The following ASCC3 variants were observed in gnomAD, a reference collection of about 807,000 sequenced individuals.
ASCC3 encodes the protein activating signal cointegrator 1 complex subunit 3, also known as ASC-1 complex subunit P200.
Under a neutral mutation model 256.3 loss-of-function variants are expected in ASCC3, and 158 were observed. The ratio of observed to expected loss-of-function variants is 0.62; its 90% CI spans 0.54 to 0.70. The LOEUF (loss-of-function observed/expected upper bound fraction) is 0.70. Ranked by LOEUF, ASCC3 falls within the 30% of genes least tolerant of loss-of-function variation. ASCC3 has a pLI of 0.00. For synonymous variants in ASCC3, 948 were observed against 883.4 expected (o/e 1.07, Z -1.30); for missense variants, 2,259 against 2,626.0 (o/e 0.86, Z 3.05).
At position 100,655,773 on chromosome 6, in the gene ASCC3, T is replaced by C. The variant is rs1255347762; in HGVS notation, c.2749A>G (p.Ile917Val). Residue 917 changes from isoleucine (I) to valine (V), a missense_variant, in exon 17 of 42, where the codon ATA becomes GTA. By Grantham distance (29) the Ile-to-Val change is conservative. Transcript: ENST00000369162. ...CGTACATAAAGATAAGTGTAACTTA[T>C]CCACTTCACTGCTTCTTCCACATTA... ...VTNVEEAVKW[I>V]SYTYLYVRMR... 6.2e-7 allele frequency: 1 copy of C among 1,611,876 alleles called. No individual in the cohort carries two copies. Among genetic ancestry groups the C allele is most frequent in the Non-Finnish European group, 8.5e-7 (1 of 1,178,970 alleles).
intron 33 of ASCC3, among the ~76,000 whole-genome samples, 156 bp downstream of exon 33, chr6:100,605,412 T>C (rs1772832180): frequency 2.0e-5 from 3 of 152,156 alleles, no homozygotes; most frequent in Admixed American, 6.6e-5. Flanking sequence ...AAATTATAAT[T>C]GAATATTGTC....
intron 10 of ASCC3, among the ~76,000 whole-genome samples, chr6:100,742,416 G>A (rs534631028): frequency 1.3e-5 from 2 of 152,234 alleles, no homozygotes; most frequent in Admixed American, 6.5e-5. Context: ...TGCATTAGGG[G>A]GTACGCTTCC....
At chr6:100,590,150 TC>T (rs1771928889) in intron 34 of ASCC3, 91 bp from the exon 35 acceptor site, 1 of 864,924 alleles carries the variant, frequency 1.2e-6, no homozygotes, top group East Asian at 2.6e-5. Flanking sequence ...ATAAATATAA[TC>T]CCCTTTTATT....
chr6:100,732,180 A>AG (rs937606867), intron 10 of ASCC3, among the ~76,000 whole-genome samples: 9 of 151,370 alleles, frequency 5.9e-5, no homozygotes, highest in South Asian at 4.2e-4. Flanking sequence ...AAAAAAAAAA[A>AG]AAGAAGAAGA....
intron 1 of ASCC3, among the ~76,000 whole-genome samples, chr6:100,879,595 C>G (rs922702745): frequency 6.6e-6 from 1 of 152,108 alleles, no homozygotes; most frequent in Admixed American, 6.5e-5. Context: ...CAGAGATACA[C>G]AGGAGATCAA....
chr6:100,834,569 T>C (rs769946560), intron 4 of ASCC3, among the ~76,000 whole-genome samples: 3 of 152,144 alleles, frequency 2.0e-5, no homozygotes, highest in African/African-American at 4.8e-5. Context: ...GCTGCTTTTC[T>C]GAAAACAAGG....
At chr6:100,619,325 G>A (rs1773828923) in intron 30 of ASCC3, among the ~76,000 whole-genome samples, 1 of 152,112 alleles carries the variant, frequency 6.6e-6, no homozygotes, top group Non-Finnish European at 1.5e-5. Context: ...TCAGGTTCTT[G>A]GATGAACAAA....
chr6:100,508,350 C>T lies in ASCC3; in HGVS notation c.*1036G>A, dbSNP rs1773598922. ...AGGGCTAAGAAAACTGAAATTATTT[C>T]ACAAAGGTAGAATTTCATTCCACTA... On this transcript the variant is annotated 3_prime_UTR_variant, in exon 42 of 42. Transcript: ENST00000369162. The T allele has an allele frequency of 6.6e-6, 1 of 152,084 alleles. No homozygotes were observed. Among genetic ancestry groups the T allele is most frequent in the South Asian group, 2.1e-4 (1 of 4,812 alleles). The allele number at this position is 152,084 out of a possible 1,614,324, so 9.4% of individuals were successfully genotyped here.
At chr6:100,574,370 GAGAC>G (rs1473985287) in intron 36 of ASCC3, among the ~76,000 whole-genome samples, 3 of 152,096 alleles carry the variant, frequency 2.0e-5, no homozygotes, top group Admixed American at 1.3e-4. Flanking sequence ...AATGGGAAAA[GAGAC>G]AGGACATTCA....
chr6:100,757,333 T>C (rs894305677), intron 10 of ASCC3, among the ~76,000 whole-genome samples: 2 of 151,910 alleles, frequency 1.3e-5, no homozygotes, highest in African/African-American at 4.8e-5. Context: ...ATTGAGAATA[T>C]GGCAAAGATA....
chr6:100,820,638 G>A (rs1466433422), intron 4 of ASCC3, among the ~76,000 whole-genome samples: 1 of 151,782 alleles, frequency 6.6e-6, no homozygotes, highest in South Asian at 2.1e-4. Context: ...AGATAATTTA[G>A]ATTTCATCAA....
chr6:100,531,109 T>C (rs2114642758), intron 37 of ASCC3: 4 of 1,108,532 alleles, frequency 3.6e-6, no homozygotes, highest in Non-Finnish European at 5.5e-6. Context: ...AACAGAAAAT[T>C]GCACAATTTC....
intron 36 of ASCC3, among the ~76,000 whole-genome samples, chr6:100,554,944 AC>A (rs1000600908): frequency 2.6e-5 from 4 of 151,902 alleles, no homozygotes; most frequent in African/African-American, 9.7e-5. Context: ...ATTGTTTTTA[AC>A]ACTTATGATT....
At chr6:100,573,281 A>T (rs1770691113) in intron 36 of ASCC3, among the ~76,000 whole-genome samples, 1 of 152,130 alleles carries the variant, frequency 6.6e-6, no homozygotes, top group Non-Finnish European at 1.5e-5. Context: ...TATTATTTGT[A>T]CTGAGGAGAC....
chr6:100,541,542 C>T (rs984983540), intron 36 of ASCC3, among the ~76,000 whole-genome samples: 6 of 152,166 alleles, frequency 3.9e-5, no homozygotes, highest in Admixed American at 2.0e-4. Context: ...ATTAGCTCTA[C>T]GACAAATATT....
chr6:100,540,607 T>C (rs1009100315), intron 36 of ASCC3, among the ~76,000 whole-genome samples: 1 of 152,180 alleles, frequency 6.6e-6, no homozygotes, highest in African/African-American at 2.4e-5. Context: ...TTTGTATTTA[T>C]AGTCAACAAA....
intron 25 of ASCC3, among the ~76,000 whole-genome samples, chr6:100,636,765 G>A (rs915537896): frequency 1.4e-4 from 22 of 152,268 alleles, no homozygotes; most frequent in African/African-American, 4.6e-4. Context: ...GAGAAAGTCC[G>A]AGTGGTGTAG....
intron 34 of ASCC3, among the ~76,000 whole-genome samples, chr6:100,598,661 C>A (rs1002089986): frequency 6.6e-6 from 1 of 152,094 alleles, no homozygotes; most frequent in Non-Finnish European, 1.5e-5. Flanking sequence ...GTGTGGGACC[C>A]CTGTTCTGAC....
At chr6:100,767,104 C>T in intron 9 of ASCC3, 41 bp downstream of exon 9, 1 of 1,581,848 alleles carries the variant, frequency 6.3e-7, no homozygotes, top group Non-Finnish European at 8.7e-7. Flanking sequence ...TTATTTTATT[C>T]CTTACAATTT....
Sources: allele counts gnomAD v4.1 joint callset (sites outside exome capture counted in the v4.1 genomes callset), GRCh38; gene constraint gnomAD v4.1.1; transcripts MANE v1.5; gene names NCBI Gene and HGNC (gene_info 2026-07-23, HGNC 2026-07-21).